The following COL4A1 variants were observed in gnomAD, a reference collection of about 807,000 sequenced individuals.
The protein encoded by COL4A1 is collagen alpha-1(IV) chain.
COL4A1 carries 40 observed loss-of-function variants against 216.6 expected under a neutral mutation model. That is an observed-to-expected ratio of 0.18 (90% confidence interval 0.14 to 0.24). The LOEUF is 0.24. COL4A1 is among the 10% of genes least tolerant of loss of function. The probability of loss-of-function intolerance (pLI) is 1.00; values close to 1 mark genes in which losing one functional copy is unlikely to be tolerated. For missense variants in COL4A1, 1,628 were observed against 2,196.8 expected, an observed-to-expected ratio of 0.74 and a Z score of 5.18; for synonymous variants, 839 against 810.7, an observed-to-expected ratio of 1.03 and a Z score of -0.59.
chr13:110,270,613 T>G (rs1029454787), intron 1 of COL4A1, among the ~76,000 whole-genome samples: 7 of 152,018 alleles, frequency 4.6e-5, no homozygotes, highest in African/African-American at 7.2e-5. Flanking sequence ...GTGGGGCAGA[T>G]GGGAACGAGG....
At chr13:110,198,689 T>A (rs995223) in intron 20 of COL4A1, 58 bp from the exon 21 acceptor site, 5 of 1,601,754 alleles carry the variant, frequency 3.1e-6, no homozygotes, top group Non-Finnish European at 4.3e-6. Context: ...AACTACAGCA[T>A]AAACTCATTC....
intron 18 of COL4A1, among the ~76,000 whole-genome samples, chr13:110,202,789 G>A (rs1220540168): frequency 6.6e-6 from 1 of 152,200 alleles, no homozygotes; most frequent in Admixed American, 6.5e-5. Flanking sequence ...TGACAAGTAT[G>A]CAAAATATGT....
intron 2 of COL4A1, among the ~76,000 whole-genome samples, chr13:110,229,629 A>G (rs1441461006): frequency 1.3e-5 from 2 of 152,226 alleles, no homozygotes; most frequent in South Asian, 2.1e-4. Context: ...GATGAGGCTC[A>G]TGAACAGAAT....
At chr13:110,173,584 T>C (rs1036567688) in intron 40 of COL4A1, among the ~76,000 whole-genome samples, 15 of 152,294 alleles carry the variant, frequency 9.8e-5, no homozygotes, top group African/African-American at 2.9e-4. Context: ...CTTTGTTTTG[T>C]CATAGCAACC....
At chr13:110,189,309 C>T (rs1025106364) in intron 24 of COL4A1, among the ~76,000 whole-genome samples, 13 of 152,314 alleles carry the variant, frequency 8.5e-5, no homozygotes, top group South Asian at 8.3e-4. Context: ...GTGATCCGCC[C>T]GCCTCGGCCT....
chr13:110,209,262 G>A, intron 11 of COL4A1, 130 bp downstream of exon 11: 2 of 726,000 alleles, frequency 2.8e-6, no homozygotes, highest in East Asian at 2.5e-5. Context: ...ATACTTAAAG[G>A]TATAGTTAGA....
At chr13:110,303,711 C>T (rs1005237737) in intron 1 of COL4A1, among the ~76,000 whole-genome samples, 1 of 152,234 alleles carries the variant, frequency 6.6e-6, no homozygotes, top group Non-Finnish European at 1.5e-5. Context: ...CTTCGATTCC[C>T]CTGATTGTGA....
At chr13:110,209,541 G>A (rs1000483766) in intron 10 of COL4A1, 114 bp from the exon 11 acceptor site, 1 of 879,724 alleles carries the variant, frequency 1.1e-6, no homozygotes, top group African/African-American at 1.7e-5. Context: ...ATTTATTTGT[G>A]AAATATTTTT....
Position 110,149,135 on chromosome 13 carries a change from T to G in COL4A1, c.*1228A>C, listed in dbSNP as rs1876388665. The G allele has an allele frequency of 6.5e-6, 1 of 154,836 alleles. No homozygotes were observed. The highest frequency in any genetic ancestry group is 2.4e-5 in the African/African-American group (1 of 41,522). The allele number at this position is 154,836 out of a possible 1,614,324, so 9.6% of individuals were successfully genotyped here. A position where few individuals can be genotyped will look rare whatever the true frequency, so the allele number is the denominator to read the frequency against. The stretch of plus-strand genomic sequence containing the variant: ...ATTTAAAGAAATTACATAAAAGGCC[T>G]TAGTAGTCTTAGAAATGTTTTGGAG... On this transcript the variant is annotated 3_prime_UTR_variant, in exon 52 of 52. Transcript: ENST00000375820.
chr13:110,302,905 C>T (rs1384370756), intron 1 of COL4A1, among the ~76,000 whole-genome samples: 1 of 152,204 alleles, frequency 6.6e-6, no homozygotes, highest in African/African-American at 2.4e-5. Context: ...ACCAAACCTC[C>T]TTGTGAGACA....
intron 2 of COL4A1, among the ~76,000 whole-genome samples, chr13:110,228,109 A>G (rs566706337): frequency 6.6e-6 from 1 of 152,300 alleles, no homozygotes; most frequent in South Asian, 2.1e-4. Flanking sequence ...CAGGAAGCGC[A>G]GCTGGGCGGG....
chr13:110,213,743 C>T (rs182145782), intron 4 of COL4A1, 39 bp downstream of exon 4: 889 of 1,606,662 alleles, frequency 5.5e-4, no homozygotes, highest in Middle Eastern at 2.3e-3. Flanking sequence ...GCCTGTCCCA[C>T]GCATGGAATC....
At chr13:110,192,688 T>A in intron 23 of COL4A1, 142 bp downstream of exon 23, 1 of 668,026 alleles carries the variant, frequency 1.5e-6, no homozygotes, top group Non-Finnish European at 2.6e-6. Flanking sequence ...ATCCTGGAAG[T>A]GGGGCCCAAC....
chr13:110,210,544 C>T (rs1879744596), intron 8 of COL4A1, among the ~76,000 whole-genome samples: 1 of 152,142 alleles, frequency 6.6e-6, no homozygotes, highest in Non-Finnish European at 1.5e-5. Context: ...TACTGCGTGA[C>T]CACAGGCTCT....
Position 110,173,931 on chromosome 13 carries a change from G to T in COL4A1, c.3474C>A (p.Ile1158=), listed in dbSNP as rs1461737887. 6.2e-7 allele frequency: 1 copy of T among 1,614,196 alleles called. No homozygotes were observed. Among genetic ancestry groups the T allele is most frequent in the Admixed American group, 1.7e-5 (1 of 60,030 alleles). The change falls in exon 40 of 52, where the codon ATC becomes ATA. Residue 1158 remains isoleucine, a synonymous_variant. Transcript: ENST00000375820. The stretch of plus-strand genomic sequence containing the variant: ...CACCCTTCTCTCCTGCTGACCCCGG[G>T]ATTCCATCACTGCCTGGCTCCCCTT... The part of the protein sequence containing the change: ...GQKGEPGSDG[I]PGSAGEKGEP...
At chr13:110,200,780 A>G (rs888978283) in intron 20 of COL4A1, 74 bp downstream of exon 20, 6 of 1,434,890 alleles carry the variant, frequency 4.2e-6, no homozygotes, top group Non-Finnish European at 5.9e-6. Flanking sequence ...ATTCGTGATA[A>G]ATTATATATT....
rs1228732035 is a variant in COL4A1, at chr13:110,210,292, C to T, written c.469-80G>A. 3 of 1,356,452 alleles carry T rather than the reference C, an allele frequency of 2.2e-6. No individual in the cohort carries two copies. The African/African-American group carries it at 4.3e-5, about 19-fold the overall frequency. The allele number at this position is 1,356,452 out of a possible 1,614,324, so 84.0% of individuals were successfully genotyped here. On this transcript the variant is annotated intron_variant, in intron 8 of 51. Transcript: ENST00000375820. ...AAGCTGAAAACTCTTTGATAGTTGG[C>T]ATATATTAGTGTTACAGGACTAGCC...
At position 110,240,058 on chromosome 13, in the gene COL4A1, A is replaced by G. The variant is rs560390576; in HGVS notation, c.144+2617T>C. Among the ~76,000 whole-genome samples, 5 of 152,338 alleles carry G rather than the reference A, an allele frequency of 3.3e-5. No homozygotes were observed. In the South Asian group the frequency reaches 1.0e-3, roughly 32 times the overall value. ...CCTTCTCCATTTTTGTTAAAATGAT[A>G]TAATACTAAACCATTTAGCTATTGT... On this transcript the variant is annotated intron_variant, in intron 2 of 51. Transcript: ENST00000375820.
At chr13:110,159,499 G>A (rs1452207661) in intron 49 of COL4A1, among the ~76,000 whole-genome samples, 1 of 152,132 alleles carries the variant, frequency 6.6e-6, no homozygotes, top group African/African-American at 2.4e-5. Context: ...TGTGCGCTGT[G>A]GCAGGAATGT....
Sources: allele counts gnomAD v4.1 joint callset (sites outside exome capture counted in the v4.1 genomes callset), GRCh38; gene constraint gnomAD v4.1.1; transcripts MANE v1.5; gene names NCBI Gene and HGNC (gene_info 2026-07-23, HGNC 2026-07-21).